The following AGAP1 variants were observed in gnomAD, a reference collection of about 807,000 sequenced individuals.
The protein encoded by AGAP1 is arf-GAP with GTPase, ANK repeat and PH domain-containing protein 1.
AGAP1 carries 29 observed loss-of-function variants against 105.3 expected under a neutral mutation model. That is an observed-to-expected ratio of 0.28 (90% confidence interval 0.21 to 0.38). The LOEUF is 0.38. AGAP1 is among the 10% of genes least tolerant of loss of function. AGAP1 has a pLI of 1.00. For missense variants in AGAP1, 998 were observed against 1,165.1 expected, an observed-to-expected ratio of 0.86 and a Z score of 2.09; for synonymous variants, 509 against 485.9, an observed-to-expected ratio of 1.05 and a Z score of -0.63.
rs200110792 is a variant in AGAP1 at position 235,950,887 on chromosome 2, C to CTTTTTTTT, written c.1484-17550_1484-17543dup. On this transcript the variant is annotated intron_variant, in intron 12 of 17. Coordinates refer to ENST00000304032, the MANE Select transcript of AGAP1 (RefSeq NM_001037131.3). ...AAATGTAACTCGGGATCTCCAAGCACTTTTTTTTTTTTTTTTTTTTTTTTT... is the reference window on the plus strand; with the variant it reads ...AAATGTAACTCGGGATCTCCAAGCACTTTTTTTTTTTTTTTTTTTTTTTTTTTTTTTTT... Among the ~76,000 whole-genome samples, 29 of 118,244 alleles carry CTTTTTTTT rather than the reference C, an allele frequency of 2.5e-4. 2 individuals carry two copies. Among genetic ancestry groups the CTTTTTTTT allele is most frequent in the East Asian group, 5.6e-4 (2 of 3,546 alleles). The allele number at this position is 118,244 out of a possible 152,430, so 77.6% of individuals were successfully genotyped here.
rs1157932573 is a variant in AGAP1 at position 235,833,862 on chromosome 2, T to G, written c.1050+26531T>G. Among the ~76,000 whole-genome samples, 75 of 151,534 alleles carry G rather than the reference T, an allele frequency of 4.9e-4. 1 individual carries two copies. The highest frequency in any genetic ancestry group is 3.4e-3 in the Middle Eastern group (1 of 294). ...CTCCAATCCTCCAATCTGGTTTTTT[T>G]TTTTTTTTTTTTAAAGCTCTGGTTG... On this transcript the variant is annotated intron_variant, in intron 9 of 17. Coordinates refer to ENST00000304032, the MANE Select transcript of AGAP1 (RefSeq NM_001037131.3).
At chr2:235,921,830 T>G (rs1197155560) in intron 11 of AGAP1, among the ~76,000 whole-genome samples, 30 of 152,138 alleles carry the variant, frequency 2.0e-4, no homozygotes, top group Non-Finnish European at 2.9e-5. Flanking sequence ...AATGTGTCCT[T>G]GGAAAAAAAA....
At chr2:235,531,812 G>C (rs1037243710) in intron 1 of AGAP1, among the ~76,000 whole-genome samples, 1 of 151,156 alleles carries the variant, frequency 6.6e-6, no homozygotes, top group African/African-American at 2.4e-5. Flanking sequence ...GGGTTTCACT[G>C]TGTTGGTCAG....
At chr2:236,043,401 T>C (rs2057615652) in intron 15 of AGAP1, among the ~76,000 whole-genome samples, 1 of 152,210 alleles carries the variant, frequency 6.6e-6, no homozygotes, top group Non-Finnish European at 1.5e-5. Flanking sequence ...TGGTGATGTC[T>C]TGTCTTTGCT....
rs2049173668 is a variant in AGAP1, at chr2:235,866,420, G to A, written c.1051-16925G>A. Among the ~76,000 whole-genome samples the A allele has an allele frequency of 6.6e-6, 1 of 152,150 alleles. No individual in the cohort carries two copies. Among genetic ancestry groups the A allele is most frequent in the East Asian group, 1.9e-4 (1 of 5,176 alleles). The stretch of plus-strand genomic sequence containing the variant: ...GGGGAGTGTGTCCAGTACGGAATGG[G>A]AATTGAGACTCCAGCAAGTGGGGAA... On this transcript the variant is annotated intron_variant, in intron 9 of 17. Transcript: ENST00000304032. The surrounding 1 kb of genome is among the most constrained non-coding windows in gnomAD (Gnocchi z 6.1).
intron 1 of AGAP1, among the ~76,000 whole-genome samples, chr2:235,644,878 A>G (rs1947321549): frequency 6.6e-6 from 1 of 151,840 alleles, no homozygotes; most frequent in Admixed American, 6.6e-5. Context: ...GTGGAGCAAC[A>G]GCAATCAAGG....
chr2:235,774,250 G>A (rs914417421), intron 6 of AGAP1: 97 of 425,730 alleles, frequency 2.3e-4, no homozygotes, highest in African/African-American at 1.8e-3. Flanking sequence ...AATCCGTAAG[G>A]CAGAAATTCC....
Position 236,012,023 on chromosome 2 carries a change from A to G in AGAP1, c.1646-24538A>G, listed in dbSNP as rs1020406196. On this transcript the variant is annotated intron_variant, in intron 13 of 17. Coordinates refer to ENST00000304032, the MANE Select transcript of AGAP1 (RefSeq NM_001037131.3). This position sits in a 1 kb window ranked among gnomAD's most constrained non-coding sequence, Gnocchi z 4.9. Reference sequence around the variant, plus strand: ...GAGAAGCTTCTAAACAAGGGAACTTAGAGCAATCAATGCCCCCGGAGACCG... The same window carrying G: ...GAGAAGCTTCTAAACAAGGGAACTTGGAGCAATCAATGCCCCCGGAGACCG... Among the ~76,000 whole-genome samples, 1 of 152,202 alleles carries G rather than the reference A, an allele frequency of 6.6e-6. No individual in the cohort carries two copies. The highest frequency in any genetic ancestry group is 1.5e-5 in the Non-Finnish European group (1 of 68,048).
At chr2:235,718,054 T>G (rs975280334) in intron 3 of AGAP1, among the ~76,000 whole-genome samples, 2 of 152,198 alleles carry the variant, frequency 1.3e-5, no homozygotes, top group Non-Finnish European at 2.9e-5. Context: ...GATAAGACGT[T>G]CAGATTACCA....
intron 1 of AGAP1, among the ~76,000 whole-genome samples, chr2:235,627,764 G>A (rs1387387821): frequency 1.3e-5 from 2 of 152,066 alleles, no homozygotes; most frequent in Non-Finnish European, 2.9e-5. Flanking sequence ...CACAGTTGGG[G>A]CTCATGTCTA....
intron 9 of AGAP1, among the ~76,000 whole-genome samples, chr2:235,840,424 T>G (rs1207206092): frequency 6.6e-6 from 1 of 152,248 alleles, no homozygotes; most frequent in African/African-American, 2.4e-5. Context: ...CAGAAAGTGT[T>G]AGAAACAGCC....
intron 1 of AGAP1, among the ~76,000 whole-genome samples, chr2:235,496,914 G>A (rs1490557529): frequency 6.6e-6 from 1 of 152,108 alleles, no homozygotes; most frequent in Non-Finnish European, 1.5e-5. Flanking sequence ...TTTGGGACTG[G>A]GGTGATGCTG....
chr2:235,703,630 G>A (rs1050219664), intron 1 of AGAP1, among the ~76,000 whole-genome samples: 13 of 131,456 alleles, frequency 9.9e-5, no homozygotes, highest in Non-Finnish European at 1.4e-4. Context: ...TCCCTCCCTC[G>A]CTCTATCCCC....
intron 1 of AGAP1, among the ~76,000 whole-genome samples, chr2:235,510,563 AGGAGTGGAGTGGCTGGGAGATGTGCTG>A (rs1171341659): frequency 6.6e-6 from 1 of 152,134 alleles, no homozygotes; most frequent in African/African-American, 2.4e-5. Context: ...GTAGATACCT[AGGAGTGGAGTGGCTGGGAGATGTGCTG>A]GGTATATAAT....
In AGAP1 at chr2:235,665,256, T is replaced by C. The variant is rs950613927; in HGVS notation, c.164-43923T>C. Among the ~76,000 whole-genome samples, 1 of 152,208 alleles carries C rather than the reference T, an allele frequency of 6.6e-6. No homozygotes were observed. The highest frequency in any genetic ancestry group is 1.5e-5 in the Non-Finnish European group (1 of 68,044). The stretch of plus-strand genomic sequence containing the variant: ...AGTGTTCTGTTGGCAGGAATTGCTA[T>C]CGTTGGTCCTTAAGGAAAAACACAG... On this transcript the variant is annotated intron_variant, in intron 1 of 17. Coordinates refer to ENST00000304032, the MANE Select transcript of AGAP1 (RefSeq NM_001037131.3). The surrounding 1 kb of genome is among the most constrained non-coding windows in gnomAD (Gnocchi z 5.3).
chr2:235,819,888 T>C (rs1958687107), intron 9 of AGAP1, among the ~76,000 whole-genome samples: 1 of 149,340 alleles, frequency 6.7e-6, no homozygotes, highest in African/African-American at 2.4e-5. Context: ...ATGGCTTTTT[T>C]TTTTCTTCTT....
Position 235,979,738 on chromosome 2 carries a change from G to A in AGAP1, c.1645+11115G>A, listed in dbSNP as rs963656385. Among the ~76,000 whole-genome samples, 1 of 152,146 alleles carries A rather than the reference G, an allele frequency of 6.6e-6. No individual in the cohort carries two copies. Among genetic ancestry groups the A allele is most frequent in the African/African-American group, 2.4e-5 (1 of 41,424 alleles). ...GCTGCAATATGAAAATCTATCAAAT[G>A]GGTAAAATCAATGACATTGTATCAG... On this transcript the variant is annotated intron_variant, in intron 13 of 17. Coordinates refer to ENST00000304032, the MANE Select transcript of AGAP1 (RefSeq NM_001037131.3). This position sits in a 1 kb window ranked among gnomAD's most constrained non-coding sequence, Gnocchi z 4.5.
chr2:235,984,352 T>A (rs2055216514), intron 13 of AGAP1, among the ~76,000 whole-genome samples: 1 of 152,060 alleles, frequency 6.6e-6, no homozygotes, highest in Non-Finnish European at 1.5e-5. Flanking sequence ...GCGTGAACAT[T>A]GTCACACAAG....
intron 1 of AGAP1, among the ~76,000 whole-genome samples, chr2:235,526,585 G>A (rs1353770991): frequency 6.6e-6 from 1 of 152,148 alleles, no homozygotes; most frequent in Admixed American, 6.5e-5. Flanking sequence ...ATAAGTTAGG[G>A]TGACAAGGAA....
Sources: allele counts gnomAD v4.1 joint callset (sites outside exome capture counted in the v4.1 genomes callset), GRCh38; gene constraint gnomAD v4.1.1; non-coding constraint Gnocchi (gnomAD v3.1); transcripts MANE v1.5; gene names NCBI Gene and HGNC (gene_info 2026-07-23, HGNC 2026-07-21).